Variants in PSMC3IP observed in about 807,000 individuals in gnomAD.
The protein encoded by PSMC3IP is PSMC3 interacting protein, also known as homologous-pairing protein 2 homolog.
Under a neutral mutation model 34.9 loss-of-function variants are expected in PSMC3IP, and 26 were observed. That is an observed-to-expected ratio of 0.74 (90% CI 0.55 to 1.03). The LOEUF (loss-of-function observed/expected upper bound fraction) is 1.03. PSMC3IP is among the 50% of genes least tolerant of loss of function. The pLI is 0.00. For synonymous variants in PSMC3IP, 87 were observed against 96.5 expected (o/e 0.90, Z 0.57); for missense variants, 250 against 263.1 (o/e 0.95, Z 0.34).
In PSMC3IP at chr17:42,573,048, A is replaced by G. The variant is rs1408037860; in HGVS notation, c.598-24T>C. 3.1e-6 allele frequency: 5 copies of G among 1,614,080 alleles called. No individual in the cohort carries two copies. The African/African-American group carries it at 6.7e-5, about 22-fold the overall frequency. ...TCCTGTGAGACAGGGAGACAAGTGA[A>G]TGAGATGTCACCAGGATAAGACCAC... On this transcript the variant is annotated intron_variant, in intron 7 of 7. Transcript: ENST00000393795.
At chr17:42,577,623 G>A (rs773252295) in intron 1 of PSMC3IP, 30 bp downstream of exon 1, 50 of 1,614,024 alleles carry the variant, frequency 3.1e-5, no homozygotes, top group Middle Eastern at 1.6e-4. Context: ...CTGCCCTCCC[G>A]GGTCTTCCCC....
intron 5 of PSMC3IP, 51 bp downstream of exon 5, chr17:42,573,427 C>A: frequency 1.9e-6 from 3 of 1,614,234 alleles, no homozygotes; most frequent in Non-Finnish European, 2.5e-6. Context: ...GGGGCTCAGC[C>A]CTGATGTTCA....
Position 42,572,319 on chromosome 17 carries a change from G to A in PSMC3IP, c.*649C>T. On this transcript the variant is annotated 3_prime_UTR_variant, in exon 8 of 8. Transcript: ENST00000393795. ...AGGTATAACACAGCACTACATATTG[G>A]AAATTTTTTATTTTTCTAAATACCA... The A allele has an allele frequency of 2.2e-6, 1 of 453,840 alleles. No homozygotes were observed. The highest frequency in any genetic ancestry group is 1.6e-5 in the South Asian group (1 of 64,412). The allele number at this position is 453,840 out of a possible 1,614,324, so 28.1% of individuals were successfully genotyped here.
At chr17:42,573,858 G>T in intron 4 of PSMC3IP, 1 of 1,531,626 alleles carries the variant, frequency 6.5e-7, no homozygotes, top group Non-Finnish European at 8.7e-7. Context: ...CAGGAATAAA[G>T]GGAAACGTGG....
intron 3 of PSMC3IP, among the ~76,000 whole-genome samples, chr17:42,576,415 A>G (rs1199560950): frequency 6.6e-6 from 1 of 152,240 alleles, no homozygotes; most frequent in Admixed American, 6.5e-5. Flanking sequence ...ATATGTTTGA[A>G]GAGCCAAGAT....
chr17:42,576,408 T>C (rs996281444), intron 3 of PSMC3IP, among the ~76,000 whole-genome samples: 5 of 152,128 alleles, frequency 3.3e-5, no homozygotes, highest in African/African-American at 9.7e-5. Flanking sequence ...GTTTAAGATA[T>C]GTTTGAAGAG....
intron 4 of PSMC3IP, 63 bp from the exon 5 acceptor site, chr17:42,573,686 T>G (rs1284254614): frequency 6.3e-7 from 1 of 1,591,304 alleles, no homozygotes; most frequent in Non-Finnish European, 8.6e-7. Context: ...TCTTTCCCAG[T>G]GGGTGCTCCC....
chr17:42,573,102 CTTACAAAGAACTGCTTCT>C lies in PSMC3IP; in HGVS notation c.584_597+4del. 1 of 1,614,248 alleles carries C rather than the reference CTTACAAAGAACTGCTTCT, an allele frequency of 6.2e-7. No homozygotes were observed. Among genetic ancestry groups the C allele is most frequent in the Non-Finnish European group, 8.5e-7 (1 of 1,180,034 alleles). On this transcript the variant is annotated splice_donor_variant and splice_donor_region_variant and coding_sequence_variant and intron_variant, in exon 7 of 8. Coordinates refer to ENST00000393795, the MANE Select transcript of PSMC3IP (RefSeq NM_016556.4). LOFTEE classifies it high-confidence loss of function. ...GAAGCAAAGAAGGAAGAGAGCTCCA[CTTACAAAGAACTGCTTCT>C]TGCTCTTGGGGTATCCTTCAAGTAT...
At chr17:42,573,388 C>T in intron 5 of PSMC3IP, 24 bp from the exon 6 acceptor site, 3 of 1,614,204 alleles carry the variant, frequency 1.9e-6, no homozygotes, top group Non-Finnish European at 2.5e-6. Flanking sequence ...GCAAGTTCCT[C>T]TAACTCCTCA....
Position 42,574,166 on chromosome 17 carries a change from A to G in PSMC3IP, c.270T>C (p.Asp90=). ...MVSDADLQVL[D]GKIVALTAKV... ...TAGCAGTGAGGGCCACGATTTTGCC[A>G]TCTAGGACTTGAAGGTCAGCATCAC... Residue 90 remains aspartate, a synonymous_variant, in exon 4 of 8, where the codon GAT becomes GAC. Coordinates refer to ENST00000393795, the MANE Select transcript of PSMC3IP (RefSeq NM_016556.4). 1.2e-6 allele frequency: 2 copies of G among 1,614,190 alleles called. No homozygotes were observed. Among genetic ancestry groups the G allele is most frequent in the Middle Eastern group, 1.6e-4 (1 of 6,062 alleles).
rs752646016 is a variant in PSMC3IP at position 42,577,246 on chromosome 17, C to T, written c.192G>A (p.Met64Ile). 4 of 1,613,982 alleles carry T rather than the reference C, an allele frequency of 2.5e-6. No homozygotes were observed. In the African/African-American group the frequency reaches 4.0e-5, roughly 16 times the overall value. ...LAQQGKIKEKMYGKQKIYFAD... is the reference protein window; with the variant it reads ...LAQQGKIKEKIYGKQKIYFAD... Reference sequence around the variant, plus strand: ...CAAAATAGATCTTCTGCTTGCCGTACATCTTCTCTTTGATCTTGCCTTGTT... The same window carrying T: ...CAAAATAGATCTTCTGCTTGCCGTATATCTTCTCTTTGATCTTGCCTTGTT... Residue 64 changes from methionine to isoleucine, a missense_variant, in exon 3 of 8, where the codon ATG becomes ATA. Met to Ile is a conservative substitution (Grantham distance 10). Transcript: ENST00000393795.
chr17:42,572,764 T>C lies in PSMC3IP; in HGVS notation c.*204A>G, dbSNP rs1417718369. ...CCTCAAGCTACTGCAATTTAGACAA[T>C]GAAATGGGCTGGGTCTACCCCCAGC... On this transcript the variant is annotated 3_prime_UTR_variant, in exon 8 of 8. Coordinates refer to ENST00000393795, the MANE Select transcript of PSMC3IP (RefSeq NM_016556.4). 7.2e-6 allele frequency: 5 copies of C among 692,178 alleles called. No individual in the cohort carries two copies. The highest frequency in any genetic ancestry group is 7.0e-5 in the African/African-American group (4 of 56,966). 42.9% of individuals were successfully genotyped at this position (692,178 alleles called of 1,614,324 possible).
intron 3 of PSMC3IP, chr17:42,574,425 A>G: frequency 7.8e-7 from 1 of 1,280,904 alleles, no homozygotes; most frequent in Non-Finnish European, 1.0e-6. Flanking sequence ...GCTGAAATCT[A>G]ATGCTTGTCC....
chr17:42,572,378 T>C lies in PSMC3IP; in HGVS notation c.*590A>G, dbSNP rs988867997. 6.2e-5 allele frequency: 28 copies of C among 454,572 alleles called. No homozygotes were observed. The highest frequency in any genetic ancestry group is 1.1e-4 in the Non-Finnish European group (24 of 226,784). The allele number at this position is 454,572 out of a possible 1,614,324, so 28.2% of individuals were successfully genotyped here. A position where few individuals can be genotyped will look rare whatever the true frequency, so the allele number is the denominator to read the frequency against. ...TTGCTACGGTTACAATTTTGAAATA[T>C]TAACTGAGCCTCAAAATCACCCTTT... On this transcript the variant is annotated 3_prime_UTR_variant, in exon 8 of 8. Transcript: ENST00000393795.
intron 2 of PSMC3IP, 58 bp downstream of exon 2, chr17:42,577,403 A>C (rs1209165610): frequency 6.2e-7 from 1 of 1,610,004 alleles, no homozygotes; most frequent in Non-Finnish European, 8.5e-7. Context: ...AAAGGGCACG[A>C]CCCCAGCCTG....
chr17:42,573,414 T>C, intron 5 of PSMC3IP, 50 bp from the exon 6 acceptor site: 1 of 1,614,228 alleles, frequency 6.2e-7, no homozygotes, highest in Non-Finnish European at 8.5e-7. Context: ...ACAGCAGCCC[T>C]CTGGGGCTCA....
At chr17:42,577,329 CAG>C (rs759226139) in intron 2 of PSMC3IP, 27 bp from the exon 3 acceptor site, 2 of 1,612,602 alleles carry the variant, frequency 1.2e-6, no homozygotes, top group South Asian at 1.1e-5. Flanking sequence ...AAGGAGCAAT[CAG>C]AGGAGTCTGA....
At position 42,577,577 on chromosome 17, in the gene PSMC3IP, C is replaced by A. The variant is rs1247089799; in HGVS notation, c.35-16G>T. 6.2e-7 allele frequency: 1 copy of A among 1,614,164 alleles called. No individual in the cohort carries two copies. Among genetic ancestry groups the A allele is most frequent in the Middle Eastern group, 1.7e-4 (1 of 6,054 alleles). On this transcript the variant is annotated splice_polypyrimidine_tract_variant and intron_variant, in intron 1 of 7. Coordinates refer to ENST00000393795, the MANE Select transcript of PSMC3IP (RefSeq NM_016556.4). ...ATCCCGGCGGCTACGGAGAGAAAGG[C>A]AGGGGAGGGGGCCACTCAACCGACC...
intron 3 of PSMC3IP, among the ~76,000 whole-genome samples, chr17:42,574,619 CTTCTT>C (rs1336366600): frequency 3.3e-5 from 5 of 151,922 alleles, no homozygotes; most frequent in Non-Finnish European, 5.9e-5. Flanking sequence ...GATGGATGGA[CTTCTT>C]TTCTTCTTCC....
Sources: allele counts gnomAD v4.1 joint callset (sites outside exome capture counted in the v4.1 genomes callset), GRCh38; gene constraint gnomAD v4.1.1; transcripts MANE v1.5; gene names NCBI Gene and HGNC (gene_info 2026-07-23, HGNC 2026-07-21).